DNM2: variants seen among roughly 807,000 people sequenced by gnomAD.
DNM2 encodes dynamin-2.
DNM2 carries 15 observed loss-of-function variants against 99.0 expected under a neutral mutation model. That is an observed-to-expected ratio of 0.15 (90% CI 0.10 to 0.23). The LOEUF is 0.23. Among genes scored for constraint, DNM2 ranks in the 10% least tolerant of loss-of-function variants. The pLI, the probability that DNM2 is intolerant of heterozygous loss-of-function variation, is 1.00. For synonymous variants in DNM2, 525 were observed against 481.2 expected, an observed-to-expected ratio of 1.09 and a Z score of -1.19; for missense variants, 742 against 1,189.4, an observed-to-expected ratio of 0.62 and a Z score of 5.53.
intron 16 of DNM2, among the ~76,000 whole-genome samples, chr19:10,821,183 A>G (rs560087037): frequency 2.8e-4 from 42 of 151,954 alleles, no homozygotes; most frequent in African/African-American, 9.9e-4. Context: ...CTCGAGACCC[A>G]TTTGTCCACC....
In DNM2 at chr19:10,787,711, C is replaced by T. The variant is rs532598309; in HGVS notation, c.992+1005C>T. On this transcript the variant is annotated intron_variant, in intron 7 of 20. Transcript: ENST00000389253. ...CGGAGCTTGCAGTGAGCTGAGATCA[C>T]GCCACTGCACTCCAGCCTGGGTGAT... Among the ~76,000 whole-genome samples, 76 of 148,004 alleles carry T rather than the reference C, an allele frequency of 5.1e-4. No individual in the cohort carries two copies. In the Middle Eastern group the frequency reaches 0.011, roughly 21 times the overall value.
chr19:10,823,307 A>C (rs2073039925), intron 16 of DNM2: 1 of 151,998 alleles, frequency 6.6e-6, no homozygotes, highest in South Asian at 2.1e-4. Flanking sequence ...CGGGAGGCTG[A>C]GGCAGGAGAA....
At chr19:10,781,315 G>C (rs543215591) in intron 5 of DNM2, 2 of 152,264 alleles carry the variant, frequency 1.3e-5, no homozygotes, top group Non-Finnish European at 1.5e-5. Context: ...TCAGATCTTG[G>C]GTCTCCTACT....
intron 7 of DNM2, among the ~76,000 whole-genome samples, chr19:10,789,047 T>C (rs914725150): frequency 3.9e-5 from 6 of 152,154 alleles, no homozygotes; most frequent in African/African-American, 1.4e-4. Flanking sequence ...AGGAGGAAAT[T>C]CATAGCCGGG....
Position 10,765,172 on chromosome 19 carries a change from A to G in DNM2, c.235+5361A>G, listed in dbSNP as rs1351677473. Among the ~76,000 whole-genome samples the G allele has an allele frequency of 6.6e-6, 1 of 151,674 alleles. No individual in the cohort carries two copies. The highest frequency in any genetic ancestry group is 1.9e-4 in the East Asian group (1 of 5,156). On this transcript the variant is annotated intron_variant, in intron 2 of 20. Transcript: ENST00000389253. This position sits in a 1 kb window ranked among gnomAD's most constrained non-coding sequence, Gnocchi z 4.4. Reference sequence around the variant, plus strand: ...ACGGGGTTTCACCGTGTTAGCCAGGATGGTCTCGATCTCCTGACCTCGTGA... The same window carrying G: ...ACGGGGTTTCACCGTGTTAGCCAGGGTGGTCTCGATCTCCTGACCTCGTGA...
Position 10,829,995 on chromosome 19 carries a change from G to T in DNM2, c.2292-132G>T. Reference sequence around the variant, plus strand: ...AAGGTGGGACTGGCGCTCAGGTTGGGGTGGGAGGATCCCACTGCGCCTGCG... The same window carrying T: ...AAGGTGGGACTGGCGCTCAGGTTGGTGTGGGAGGATCCCACTGCGCCTGCG... On this transcript the variant is annotated intron_variant, in intron 19 of 20. Transcript: ENST00000389253. 2.2e-6 allele frequency: 3 copies of T among 1,345,198 alleles called. No individual in the cohort carries two copies. The South Asian group carries it at 3.5e-5, about 16-fold the overall frequency. 83.3% of individuals were successfully genotyped at this position (1,345,198 alleles called of 1,614,324 possible). A position where few individuals can be genotyped will look rare whatever the true frequency, so the allele number is the denominator to read the frequency against.
Position 10,766,722 on chromosome 19 carries a change from C to A in DNM2, c.236-5757C>A, listed in dbSNP as rs55658445. Among the ~76,000 whole-genome samples the A allele has an allele frequency of 5.6e-3, 849 of 152,182 alleles. 1 individual carries two copies. The highest frequency in any genetic ancestry group is 0.01 in the Middle Eastern group (3 of 294). The stretch of plus-strand genomic sequence containing the variant: ...CAGAACCTCTCTCTGGAAAAACCCG[C>A]AAGTACAACCAGTGGGCCCACAGTT... On this transcript the variant is annotated intron_variant, in intron 2 of 20. Transcript: ENST00000389253.
chr19:10,778,026 T>TATTC (rs1555706626), intron 5 of DNM2, among the ~76,000 whole-genome samples: 1 of 146,640 alleles, frequency 6.8e-6, no homozygotes, highest in Non-Finnish European at 1.5e-5. Context: ...TCATTTTATT[T>TATTC]ATTTATTTAT....
chr19:10,767,918 C>CA (rs932141647), intron 2 of DNM2, among the ~76,000 whole-genome samples: 4 of 151,592 alleles, frequency 2.6e-5, no homozygotes, highest in African/African-American at 9.7e-5. Flanking sequence ...AACAAACAAA[C>CA]AAAAAACCTC....
Position 10,775,755 on chromosome 19 carries a change from C to G in DNM2, c.438C>G (p.Gly146=). 1 of 1,614,048 alleles carries G rather than the reference C, an allele frequency of 6.2e-7. No individual in the cohort carries two copies. Among genetic ancestry groups the G allele is most frequent in the Non-Finnish European group, 8.5e-7 (1 of 1,180,004 alleles). Reference sequence around the variant, plus strand: ...CGGGTATCACCAAGGTGCCTGTGGGCGACCAGCCTCCAGACATCGAGTACC... The same window carrying G: ...CGGGTATCACCAAGGTGCCTGTGGGGGACCAGCCTCCAGACATCGAGTACC... The part of the protein sequence containing the change: ...DLPGITKVPV[G]DQPPDIEYQI... Residue 146 remains glycine, a synonymous_variant, in exon 4 of 21, where the codon GGC becomes GGG. Coordinates refer to ENST00000389253, the MANE Select transcript of DNM2 (RefSeq NM_001005361.3). The surrounding 1 kb of genome is among the most constrained non-coding windows in gnomAD (Gnocchi z 4.3).
intron 6 of DNM2, among the ~76,000 whole-genome samples, chr19:10,783,990 A>T (rs2071469509): frequency 6.6e-6 from 1 of 152,130 alleles, no homozygotes; most frequent in African/African-American, 2.4e-5. Flanking sequence ...ATGAGCCACC[A>T]TGCCTGGCCT....
chr19:10,718,583 G>A, intron 1 of DNM2, 180 bp downstream of exon 1: 1 of 947,878 alleles, frequency 1.1e-6, no homozygotes, highest in Non-Finnish European at 1.4e-6. Context: ...CTCCCTGCAG[G>A]GGCTCCGGAG....
Position 10,830,835 on chromosome 19 carries a change from C to A in DNM2, c.2544-143C>A. The stretch of plus-strand genomic sequence containing the variant: ...GCCTAGGTTTGGCACTCCTGCCCGA[C>A]ACCCTGGTGGCTTGCGGAGGTCAGC... On this transcript the variant is annotated intron_variant, in intron 20 of 20. Coordinates refer to ENST00000389253, the MANE Select transcript of DNM2 (RefSeq NM_001005361.3). This position sits in a 1 kb window ranked among gnomAD's most constrained non-coding sequence, Gnocchi z 4.8. 1 of 1,035,480 alleles carries A rather than the reference C, an allele frequency of 9.7e-7. No individual in the cohort carries two copies. Among genetic ancestry groups the A allele is most frequent in the Non-Finnish European group, 1.4e-6 (1 of 730,836 alleles). 64.1% of individuals were successfully genotyped at this position (1,035,480 alleles called of 1,614,324 possible).
rs182148689 is a variant in DNM2, at chr19:10,819,804, C to T, written c.1672-176C>T. Among the ~76,000 whole-genome samples the T allele has an allele frequency of 1.2e-3, 176 of 152,174 alleles. 5 individuals carry two copies. The highest frequency in any genetic ancestry group is 0.011 in the Admixed American group (171 of 15,286). On this transcript the variant is annotated intron_variant, in intron 15 of 20. Transcript: ENST00000389253. ...ACTCAGGGAGCATCATGGAGGGCAGCGTGGCTGGGACAGAGTGACGGACGG... is the reference window on the plus strand; with the variant it reads ...ACTCAGGGAGCATCATGGAGGGCAGTGTGGCTGGGACAGAGTGACGGACGG...
In DNM2 at chr19:10,783,095, C is replaced by A. The variant is rs1193661444; in HGVS notation, c.824C>A (p.Pro275Gln). 1 of 1,613,014 alleles carries A rather than the reference C, an allele frequency of 6.2e-7. No homozygotes were observed. The highest frequency in any genetic ancestry group is 1.3e-5 in the African/African-American group (1 of 74,952). Residue 275 changes from proline (P) to glutamine (Q), a missense_variant, in exon 6 of 21, where the codon CCA becomes CAA. This residue lies in a region of DNM2 where 192 missense variants were observed against 358.9 expected (regional missense o/e 0.54). Coordinates refer to ENST00000389253, the MANE Select transcript of DNM2 (RefSeq NM_001005361.3). ...CACATGGCCGACCGCATGGGCACGC[C>A]ACATCTGCAGAAGACGCTGAATCAG... ...YRHMADRMGTPHLQKTLNQQL... is the reference protein window; with the variant it reads ...YRHMADRMGTQHLQKTLNQQL...
At chr19:10,782,179 T>G (rs1400780802) in intron 5 of DNM2, among the ~76,000 whole-genome samples, 1 of 151,982 alleles carries the variant, frequency 6.6e-6, no homozygotes, top group Non-Finnish European at 1.5e-5. Context: ...ACTATACACG[T>G]GTGCTACCAC....
chr19:10,776,036 C>A, intron 4 of DNM2, 130 bp downstream of exon 4: 1 of 1,170,762 alleles, frequency 8.5e-7, no homozygotes, highest in Non-Finnish European at 1.2e-6. Flanking sequence ...CCTCCTGGAA[C>A]ATGGCACTTC....
Position 10,718,140 on chromosome 19 carries a change from G to C in DNM2, c.-103G>C. Reference sequence around the variant, plus strand: ...GGGAGCGGGCGTCTTGCCGAGGCCCGGGCGGGCGGGGAGCAACGGCTACAG... The same window carrying C: ...GGGAGCGGGCGTCTTGCCGAGGCCCCGGCGGGCGGGGAGCAACGGCTACAG... On this transcript the variant is annotated 5_prime_UTR_variant, in exon 1 of 21. Coordinates refer to ENST00000389253, the MANE Select transcript of DNM2 (RefSeq NM_001005361.3). 8.2e-7 allele frequency: 1 copy of C among 1,226,088 alleles called. No individual in the cohort carries two copies. Among genetic ancestry groups the C allele is most frequent in the South Asian group, 2.9e-5 (1 of 34,928 alleles). The allele number at this position is 1,226,088 out of a possible 1,614,324, so 76.0% of individuals were successfully genotyped here.
At chr19:10,752,404 C>G (rs2070227945) in intron 1 of DNM2, among the ~76,000 whole-genome samples, 1 of 152,242 alleles carries the variant, frequency 6.6e-6, no homozygotes, top group Non-Finnish European at 1.5e-5. Flanking sequence ...TGTTCTGAAG[C>G]TGTGATTGTC....
Sources: allele counts gnomAD v4.1 joint callset (sites outside exome capture counted in the v4.1 genomes callset), GRCh38; gene constraint gnomAD v4.1.1; regional missense constraint gnomAD v4.1.1; non-coding constraint Gnocchi (gnomAD v3.1); transcripts MANE v1.5; gene names NCBI Gene and HGNC (gene_info 2026-07-23, HGNC 2026-07-21).